Variants in CFAP46 observed in about 807,000 individuals in gnomAD.
CFAP46 encodes the protein cilia and flagella associated protein 46.
In CFAP46, 245 loss-of-function variants were observed where a neutral mutation model predicts 325.7. The ratio of observed to expected loss-of-function variants is 0.75; its 90% CI spans 0.68 to 0.84. The LOEUF (loss-of-function observed/expected upper bound fraction) is 0.84, where lower values mean the gene tolerates loss of function less well. Ranked by LOEUF, CFAP46 falls within the 40% of genes least tolerant of loss-of-function variation. CFAP46 has a pLI of 0.00. For synonymous variants in CFAP46, 1,523 were observed against 1,495.9 expected (o/e 1.02, Z -0.42); for missense variants, 3,346 against 3,543.0 (o/e 0.94, Z 1.41).
At chr10:132,881,968 G>A (rs1038965730) in intron 27 of CFAP46, among the ~76,000 whole-genome samples, 2 of 152,122 alleles carry the variant, frequency 1.3e-5, no homozygotes, top group African/African-American at 2.4e-5. Flanking sequence ...GGGATGTGGG[G>A]TGTGTGTGGT....
rs1000911456 is a variant in CFAP46 at position 132,919,754 on chromosome 10, G to C, written c.1730+305C>G. ...CTCCCGGGGATGGTACCGACCGCAGGGTCGGTACCAAAAATCAGCCTGCTC... is the reference window on the plus strand; with the variant it reads ...CTCCCGGGGATGGTACCGACCGCAGCGTCGGTACCAAAAATCAGCCTGCTC... On this transcript the variant is annotated intron_variant, in intron 14 of 57. Coordinates refer to ENST00000368586, the MANE Select transcript of CFAP46 (RefSeq NM_001200049.3). The surrounding 1 kb of genome is among the most constrained non-coding windows in gnomAD (Gnocchi z 9.7). Among the ~76,000 whole-genome samples, 4 of 152,040 alleles carry C rather than the reference G, an allele frequency of 2.6e-5. No individual in the cohort carries two copies. Among genetic ancestry groups the C allele is most frequent in the Admixed American group, 1.3e-4 (2 of 15,288 alleles).
At chr10:132,926,233 G>A (rs753710238) in intron 10 of CFAP46, among the ~76,000 whole-genome samples, 7 of 152,306 alleles carry the variant, frequency 4.6e-5, no homozygotes, top group Non-Finnish European at 1.0e-4. Flanking sequence ...GGGACGCGTG[G>A]CCGTCCCCCG....
intron 16 of CFAP46, 114 bp from the exon 17 acceptor site, chr10:132,916,796 T>C: frequency 7.3e-7 from 1 of 1,366,024 alleles, no homozygotes; most frequent in African/African-American, 1.5e-5. Flanking sequence ...AAGCACAGGC[T>C]GTGAGACCCG....
rs1380111713 is a variant in CFAP46, at chr10:132,894,950, C to A, written c.3220-2533G>T. 2.6e-3 allele frequency among the ~76,000 whole-genome samples: 391 copies of A among 152,300 alleles called. 2 individuals are homozygous for A. The highest frequency in any genetic ancestry group is 9.0e-3 in the African/African-American group (375 of 41,568). ...AAAGAAAAAGAAACACTCCTGGGTT[C>A]ACCCTATGAGGCCAGCATTACTCTG... On this transcript the variant is annotated intron_variant, in intron 24 of 57. Transcript: ENST00000368586.
intron 41 of CFAP46, among the ~76,000 whole-genome samples, chr10:132,848,346 T>G (rs530177829): frequency 2.0e-5 from 3 of 152,290 alleles, no homozygotes; most frequent in African/African-American, 7.2e-5. Flanking sequence ...AAGGCTGGTC[T>G]TTGGAGAAAC....
chr10:132,818,626 G>A (rs577727993), intron 50 of CFAP46, among the ~76,000 whole-genome samples: 2 of 152,248 alleles, frequency 1.3e-5, no homozygotes, highest in South Asian at 2.1e-4. Flanking sequence ...GCCGAGGTGG[G>A]TGGATCACCT....
Position 132,876,838 on chromosome 10 carries a change from C to T in CFAP46, c.4336G>A (p.Val1446Met). ...GGCTTCTGGATACTTGAGGGGTTCA[C>T]AGTAGAGTCACTTCTGTCCTGTTTC... ...VLKQDRSDST[V>M]NPSSIQKPTY... is the part of the protein sequence containing the mutation. Residue 1446 changes from valine (V) to methionine (M), a missense_variant, in exon 31 of 58, where the codon GTG becomes ATG. Val to Met is a conservative substitution (Grantham distance 21, BLOSUM62 1). Transcript: ENST00000368586. This position sits in a 1 kb window ranked among gnomAD's most constrained non-coding sequence, Gnocchi z 4.1. The T allele has an allele frequency of 6.5e-7, 1 of 1,550,238 alleles. No homozygotes were observed. The highest frequency in any genetic ancestry group is 8.7e-7 in the Non-Finnish European group (1 of 1,146,980).
At position 132,834,341 on chromosome 10, in the gene CFAP46, C is replaced by T. The variant is rs115968333; in HGVS notation, c.6867-218G>A. Among the ~76,000 whole-genome samples the T allele has an allele frequency of 4.4e-3, 677 of 152,254 alleles. 2 individuals are homozygous for T. Among genetic ancestry groups the T allele is most frequent in the African/African-American group, 0.016 (646 of 41,540 alleles). On this transcript the variant is annotated intron_variant, in intron 48 of 57. Coordinates refer to ENST00000368586, the MANE Select transcript of CFAP46 (RefSeq NM_001200049.3). ...GCCAAGCTAAACGGTGCCAGGTGTC[C>T]GTCCCCTCTGCCTTCCTTCCCACCC...
intron 34 of CFAP46, 26 bp downstream of exon 34, chr10:132,867,349 A>G (rs1848830566): frequency 1.3e-6 from 2 of 1,541,666 alleles, no homozygotes; most frequent in Non-Finnish European, 1.7e-6. Flanking sequence ...GCTGCGGGTC[A>G]GAGGGATTCT....
chr10:132,930,264 T>C (rs1329330482), intron 8 of CFAP46, among the ~76,000 whole-genome samples: 1 of 139,102 alleles, frequency 7.2e-6, no homozygotes, highest in Admixed American at 7.1e-5. Flanking sequence ...ACACAGAGCA[T>C]GGGACTCCCC....
chr10:132,934,725 T>G, intron 8 of CFAP46, 27 bp downstream of exon 8: 17 of 1,371,352 alleles, frequency 1.2e-5, no homozygotes, highest in Non-Finnish European at 1.7e-5. Flanking sequence ...TATGAAGATG[T>G]GATATTGGAA....
At chr10:132,934,185 C>T (rs1849956098) in intron 8 of CFAP46, among the ~76,000 whole-genome samples, 2 of 152,226 alleles carry the variant, frequency 1.3e-5, no homozygotes, top group South Asian at 4.1e-4. Flanking sequence ...ACTTGTTTCC[C>T]ATTTTCTTAA....
intron 50 of CFAP46, among the ~76,000 whole-genome samples, chr10:132,826,974 C>G (rs1442037509): frequency 6.6e-6 from 1 of 152,160 alleles, no homozygotes; most frequent in African/African-American, 2.4e-5. Context: ...GGTGCTGCCT[C>G]CTGCCTGATT....
intron 13 of CFAP46, among the ~76,000 whole-genome samples, 194 bp downstream of exon 13, chr10:132,921,910 C>T (rs781750147): frequency 3.9e-5 from 6 of 152,244 alleles, no homozygotes; most frequent in Non-Finnish European, 7.3e-5. Flanking sequence ...ACTTGACTGG[C>T]GTGTGCACAG....
intron 45 of CFAP46, 139 bp downstream of exon 45, chr10:132,836,678 T>G (rs978807040): frequency 1.3e-6 from 1 of 742,026 alleles, no homozygotes; most frequent in Non-Finnish European, 2.3e-6. Flanking sequence ...GGCACCTTCT[T>G]GGGACTGTCC....
chr10:132,908,679 G>A (rs1350889566), intron 21 of CFAP46, 45 bp from the exon 22 acceptor site: 11 of 1,486,618 alleles, frequency 7.4e-6, no homozygotes, highest in Middle Eastern at 2.3e-4. Flanking sequence ...TAGCAACAAC[G>A]AACTTCCCAC....
Position 132,817,682 on chromosome 10 carries a change from G to A in CFAP46, c.7118-2768C>T, listed in dbSNP as rs1000699437. 2.6e-5 allele frequency among the ~76,000 whole-genome samples: 4 copies of A among 152,212 alleles called. No homozygotes were observed. Among genetic ancestry groups the A allele is most frequent in the African/African-American group, 7.2e-5 (3 of 41,456 alleles). On this transcript the variant is annotated intron_variant, in intron 50 of 57. Transcript: ENST00000368586. This position sits in a 1 kb window ranked among gnomAD's most constrained non-coding sequence, Gnocchi z 4.4. ...CGGCGCCCCAGACTCAGCGGTTGGCGGCTGAGGACACTCAAGGCTCTAGAT... is the reference window on the plus strand; with the variant it reads ...CGGCGCCCCAGACTCAGCGGTTGGCAGCTGAGGACACTCAAGGCTCTAGAT...
chr10:132,935,292 A>ATCTCCTCACTCCCCTCG (rs1564805986), intron 7 of CFAP46, among the ~76,000 whole-genome samples: 4 of 136,394 alleles, frequency 2.9e-5, no homozygotes, highest in African/African-American at 1.3e-4. Flanking sequence ...CACTCCCCTG[A>ATCTCCTCACTCCCCTCG]GCACCCAAAC....
chr10:132,854,219 G>A (rs1284580987), intron 39 of CFAP46, among the ~76,000 whole-genome samples: 2 of 152,042 alleles, frequency 1.3e-5, no homozygotes, highest in African/African-American at 4.8e-5. Context: ...ATTCCCTTCA[G>A]TTCAAAATAC....
Sources: gnomAD v4.1 joint callset for allele counts (sites outside exome capture counted in the v4.1 genomes callset) on GRCh38, gnomAD v4.1.1 for gene constraint, Gnocchi (gnomAD v3.1) non-coding constraint, MANE v1.5 for transcripts, NCBI Gene and HGNC (gene_info 2026-07-23, HGNC 2026-07-21) for gene names.